The following GPLD1 variants were observed in gnomAD, a reference collection of about 807,000 sequenced individuals.
GPLD1 encodes the protein phosphatidylinositol-glycan-specific phospholipase D.
GPLD1 carries 84 observed loss-of-function variants against 112.6 expected under a neutral mutation model. The ratio of observed to expected loss-of-function variants is 0.75; its 90% CI spans 0.63 to 0.89. GPLD1 has a LOEUF of 0.89. Among genes scored for constraint, GPLD1 ranks in the 40% least tolerant of loss-of-function variants. The pLI, the probability that GPLD1 is intolerant of heterozygous loss-of-function variation, is 0.00. For synonymous variants in GPLD1, 386 were observed against 403.8 expected, an observed-to-expected ratio of 0.96 and a Z score of 0.53; for missense variants, 1,044 against 1,051.5, an observed-to-expected ratio of 0.99 and a Z score of 0.10.
intron 24 of GPLD1, among the ~76,000 whole-genome samples, chr6:24,432,783 A>G (rs1742282): frequency 0.62 from 93,786 of 151,788 alleles, 29,517 homozygotes; most frequent in Middle Eastern, 0.68. Flanking sequence ...GCAGCACGAC[A>G]GCAGCCACGC....
intron 7 of GPLD1, 52 bp from the exon 8 acceptor site, chr6:24,467,326 AG>A (rs767609538): frequency 1.0e-6 from 1 of 963,460 alleles, no homozygotes; most frequent in South Asian, 1.3e-5. Context: ...AGCTGAAAAT[AG>A]TAACAACAGC....
intron 15 of GPLD1, among the ~76,000 whole-genome samples, chr6:24,448,426 T>G (rs1468255851): frequency 1.4e-5 from 2 of 143,878 alleles, no homozygotes; most frequent in African/African-American, 5.2e-5. Flanking sequence ...CGAAAAAAAC[T>G]TTTAATTAAA....
At chr6:24,460,426 G>A in intron 11 of GPLD1, 27 bp from the exon 12 acceptor site, 1 of 1,609,096 alleles carries the variant, frequency 6.2e-7, no homozygotes, top group Non-Finnish European at 8.5e-7. Context: ...GGAATAAACT[G>A]GTTACGACTG....
chr6:24,474,075 G>A (rs1251537156), intron 5 of GPLD1, among the ~76,000 whole-genome samples: 6 of 151,902 alleles, frequency 3.9e-5, no homozygotes, highest in South Asian at 2.1e-4. Context: ...GCAGTGAGCC[G>A]AGATTGCACC....
intron 18 of GPLD1, 71 bp downstream of exon 18, chr6:24,446,767 C>T: frequency 6.8e-7 from 1 of 1,462,050 alleles, no homozygotes. Flanking sequence ...CAGCCTCATG[C>T]TCAGTGCGCT....
chr6:24,436,894 C>T (rs80355143), intron 21 of GPLD1, among the ~76,000 whole-genome samples, 158 bp from the exon 22 acceptor site: 1,940 of 152,340 alleles, frequency 0.013, 18 homozygotes, highest in African/African-American at 0.028. Context: ...TTGTTTCCTA[C>T]TTCATTCATC....
In GPLD1 at chr6:24,427,599, A is replaced by G. The variant is rs544583012; in HGVS notation, c.*1433T>C. 6.6e-5 allele frequency among the ~76,000 whole-genome samples: 10 copies of G among 152,234 alleles called. No homozygotes were observed. The highest frequency in any genetic ancestry group is 1.5e-4 in the Non-Finnish European group (10 of 68,010). On this transcript the variant is annotated 3_prime_UTR_variant, in exon 25 of 25. Transcript: ENST00000230036. ...TGTGGCTCACACATGTAATCCCAGCACTTTGGGAGGTCAAGGTGGGTGGAT... is the reference window on the plus strand; with the variant it reads ...TGTGGCTCACACATGTAATCCCAGCGCTTTGGGAGGTCAAGGTGGGTGGAT...
chr6:24,448,259 G>C, intron 15 of GPLD1, 51 bp from the exon 16 acceptor site: 1 of 1,242,008 alleles, frequency 8.1e-7, no homozygotes, highest in Non-Finnish European at 1.2e-6. Flanking sequence ...GGTGACCCAA[G>C]AACCTTAAAT....
At chr6:24,458,699 T>C (rs1019629606) in intron 12 of GPLD1, among the ~76,000 whole-genome samples, 34 of 152,132 alleles carry the variant, frequency 2.2e-4, no homozygotes, top group African/African-American at 8.2e-4. Context: ...GCCAACATGG[T>C]GAAACCCCAT....
intron 2 of GPLD1, among the ~76,000 whole-genome samples, chr6:24,483,054 G>A (rs1006162642): frequency 1.3e-5 from 2 of 152,130 alleles, no homozygotes; most frequent in Admixed American, 6.5e-5. Context: ...AAGGCTGCAC[G>A]CAGCAGCTTA....
chr6:24,456,456 T>C, intron 13 of GPLD1, 42 bp downstream of exon 13: 1 of 1,294,260 alleles, frequency 7.7e-7, no homozygotes, highest in Middle Eastern at 1.9e-4. Flanking sequence ...ATAAAATTAA[T>C]ACTGAAGAAA....
chr6:24,490,214 T>C (rs943946738), upstream of GPLD1, among the ~76,000 whole-genome samples: 1 of 151,552 alleles, frequency 6.6e-6, no homozygotes, highest in Non-Finnish European at 1.5e-5. Context: ...ACTTGGGAGG[T>C]GGAAGGAAGG....
chr6:24,434,893 C>G (rs1169156100), intron 22 of GPLD1, among the ~76,000 whole-genome samples: 2 of 151,340 alleles, frequency 1.3e-5, no homozygotes, highest in East Asian at 3.9e-4. Context: ...TGGTGCTGAA[C>G]TCCTGAGCTC....
At chr6:24,464,034 A>C (rs1244588206) in intron 10 of GPLD1, among the ~76,000 whole-genome samples, 1 of 152,212 alleles carries the variant, frequency 6.6e-6, no homozygotes, top group Non-Finnish European at 1.5e-5. Flanking sequence ...GAACCAAACC[A>C]AAATTGAACA....
intron 3 of GPLD1, 77 bp downstream of exon 3, chr6:24,479,804 A>G: frequency 1.3e-6 from 1 of 786,530 alleles, no homozygotes; most frequent in South Asian, 1.4e-5. Context: ...ACACATATAT[A>G]TATATTTTTA....
At position 24,466,808 on chromosome 6, in the gene GPLD1, A is replaced by C. The variant is rs188272858; in HGVS notation, c.693T>G (p.Thr231=). The change falls in exon 10 of 25, where the codon ACT becomes ACG. Residue 231 remains threonine (T), a synonymous_variant. Coordinates refer to ENST00000230036, the MANE Select transcript of GPLD1 (RefSeq NM_001503.4). The part of the protein sequence containing the change: ...EMLAVSKLYP[T]YSTKSPFLVE... The stretch of plus-strand genomic sequence containing the variant: ...CCAAAAACGGGGACTTTGTAGAGTA[A>C]GTGGGATATAACTATGGCAGAGAGA... The C allele has an allele frequency of 4.0e-4, 650 of 1,610,174 alleles. 4 individuals are homozygous for C. In the East Asian group the frequency reaches 0.012, roughly 31 times the overall value.
At chr6:24,473,982 C>T (rs558788881) in intron 5 of GPLD1, among the ~76,000 whole-genome samples, 211 of 151,946 alleles carry the variant, frequency 1.4e-3, no homozygotes, top group Admixed American at 3.5e-3. Context: ...AAAAATTGGC[C>T]GGGCATGGTG....
At chr6:24,466,032 A>G (rs1348915807) in intron 10 of GPLD1, among the ~76,000 whole-genome samples, 3 of 152,202 alleles carry the variant, frequency 2.0e-5, no homozygotes, top group Non-Finnish European at 4.4e-5. Flanking sequence ...TCCAGCCCCC[A>G]GCATGGGTTT....
Position 24,466,837 on chromosome 6 carries a change from A to G in GPLD1, c.682-18T>C, listed in dbSNP as rs569959891. ...GGATATAACTATGGCAGAGAGAAAG[A>G]AAAAATAAAATGAATATGGTACTAT... On this transcript the variant is annotated intron_variant, in intron 9 of 24. Transcript: ENST00000230036. 1.9e-6 allele frequency: 3 copies of G among 1,605,700 alleles called. No homozygotes were observed. The highest frequency in any genetic ancestry group is 2.7e-5 in the African/African-American group (2 of 74,828).
Sources: allele counts gnomAD v4.1 joint callset (sites outside exome capture counted in the v4.1 genomes callset), GRCh38; gene constraint gnomAD v4.1.1; transcripts MANE v1.5; gene names NCBI Gene and HGNC (gene_info 2026-07-23, HGNC 2026-07-21).